Variants in FCGR3A observed in about 807,000 individuals in gnomAD.
FCGR3A encodes the protein Fc gamma receptor IIIa, also known as low affinity immunoglobulin gamma Fc region receptor III-A.
FCGR3A carries 13 observed loss-of-function variants against 24.1 expected under a neutral mutation model. That is an observed-to-expected ratio of 0.54 (90% confidence interval 0.35 to 0.86). The LOEUF is 0.86. Among genes scored for constraint, FCGR3A ranks in the 40% least tolerant of loss-of-function variants. The pLI is 0.01. For missense variants in FCGR3A, 235 were observed against 298.0 expected, an observed-to-expected ratio of 0.79 and a Z score of 1.56; for synonymous variants, 93 against 112.2, an observed-to-expected ratio of 0.83 and a Z score of 1.08.
chr1:161,543,052 T>G lies in FCGR3A; in HGVS notation c.725A>C (p.Asp242Ala). 1 of 1,613,104 alleles carries G rather than the reference T, an allele frequency of 6.2e-7. No individual in the cohort carries two copies. Among genetic ancestry groups the G allele is most frequent in the Non-Finnish European group, 8.5e-7 (1 of 1,179,522 alleles). ...NIRSSTRDWKDHKFKWRKDPQ... is the reference protein window; with the variant it reads ...NIRSSTRDWKAHKFKWRKDPQ... ...GTCCTTTCTCCATTTAAATTTATGG[T>G]CCTTCCAGTCTCTTGTTGAGCTTCG... The change falls in exon 5 of 5, where the codon GAC becomes GCC. Residue 242 changes from aspartate (D) to alanine (A), a missense_variant. Physicochemically the swap from Asp to Ala is moderately radical, Grantham distance 126. Transcript: ENST00000443193.
rs753330143 is a variant in FCGR3A at position 161,548,691 on chromosome 1, G to C, written c.62-13C>G. 1.2e-6 allele frequency: 2 copies of C among 1,613,844 alleles called. No homozygotes were observed. The highest frequency in any genetic ancestry group is 2.2e-5 in the East Asian group (1 of 44,884). ...TTTGGGAGATCTTCTGAGGAGCCAA[G>C]ATAATGTGGGGTGAGGACAGGGAGA... is the stretch of plus-strand genomic sequence containing the variant. On this transcript the variant is annotated splice_polypyrimidine_tract_variant and intron_variant, in intron 2 of 4. Transcript: ENST00000443193.
At position 161,544,967 on chromosome 1, in the gene FCGR3A, C is replaced by T; in HGVS notation, c.320-9G>A. The stretch of plus-strand genomic sequence containing the variant: ...CTGGAGCAACAGCCAGCCTGAAAGA[C>T]ACAGACACCCCAGGCCCGGGAGGCC... On this transcript the variant is annotated splice_polypyrimidine_tract_variant and intron_variant, in intron 3 of 4. Transcript: ENST00000443193. The T allele has an allele frequency of 1.3e-6, 2 of 1,595,902 alleles. No individual in the cohort carries two copies. The highest frequency in any genetic ancestry group is 1.1e-5 in the South Asian group (1 of 90,554).
intron 3 of FCGR3A, among the ~76,000 whole-genome samples, chr1:161,546,696 G>A (rs752424542): frequency 2.0e-5 from 3 of 151,930 alleles, no homozygotes. Flanking sequence ...ATGAAGTCAG[G>A]AGATCAAGAC....
chr1:161,550,073 C>T, upstream of FCGR3A: 1 of 593,324 alleles, frequency 1.7e-6, no homozygotes, highest in Non-Finnish European at 3.0e-6. Flanking sequence ...TGCCCCATCT[C>T]CTGGATTTGG....
Position 161,549,216 on chromosome 1 carries a change from G to A in FCGR3A, c.41-185C>T, listed in dbSNP as rs1214454913. Among the ~76,000 whole-genome samples the A allele has an allele frequency of 4.0e-4, 60 of 150,794 alleles. 1 individual carries two copies. Among genetic ancestry groups the A allele is most frequent in the African/African-American group, 4.4e-4 (18 of 41,048 alleles). The stretch of plus-strand genomic sequence containing the variant: ...GGTCTCCACTGTTCATGCCTCTTGC[G>A]CCACTGTCAACACAAATCCCTATTT... On this transcript the variant is annotated intron_variant, in intron 1 of 4. Coordinates refer to ENST00000443193, the MANE Select transcript of FCGR3A (RefSeq NM_000569.8).
rs394260 is a variant in FCGR3A, at chr1:161,542,122, T to C, written c.*890A>G. ...CATTAACCTCTAATTCTTACTACCC[T>C]GGCCAAGAAAGCATTTTCACCTCCT... On this transcript the variant is annotated 3_prime_UTR_variant, in exon 5 of 5. Transcript: ENST00000443193. 1.3e-5 allele frequency: 2 copies of C among 152,466 alleles called. No homozygotes were observed. The highest frequency in any genetic ancestry group is 2.1e-4 in the South Asian group (1 of 4,830). 9.4% of individuals were successfully genotyped at this position (152,466 alleles called of 1,614,324 possible).
rs762080565 is a variant in FCGR3A at position 161,543,039 on chromosome 1, T to C, written c.738A>G (p.Lys246=). 1.9e-6 allele frequency: 3 copies of C among 1,612,656 alleles called. No homozygotes were observed. Among genetic ancestry groups the C allele is most frequent in the Non-Finnish European group, 1.7e-6 (2 of 1,179,290 alleles). The change falls in exon 5 of 5, where the codon AAA becomes AAG. Residue 246 remains lysine, a synonymous_variant. Coordinates refer to ENST00000443193, the MANE Select transcript of FCGR3A (RefSeq NM_000569.8). ...ATTTGTCTTGAGGGTCCTTTCTCCA[T>C]TTAAATTTATGGTCCTTCCAGTCTC... ...STRDWKDHKF[K]WRKDPQDK
chr1:161,546,659 A>G (rs1373134820), intron 3 of FCGR3A, among the ~76,000 whole-genome samples: 1 of 151,922 alleles, frequency 6.6e-6, no homozygotes, highest in East Asian at 1.9e-4. Flanking sequence ...TAATCCTAGT[A>G]CTTTGGGAGG....
Position 161,544,948 on chromosome 1 carries a change from C to T in FCGR3A, c.330G>A (p.Leu110=), listed in dbSNP as rs746047171. ...VQLEVHIGWL[L]LQAPRWVFKE... ...TGAACACCCACCGAGGGGCCTGGAG[C>T]AACAGCCAGCCTGAAAGACACAGAC... is the stretch of plus-strand genomic sequence containing the variant. The change falls in exon 4 of 5, where the codon TTG becomes TTA. Residue 110 remains leucine, a synonymous_variant. Coordinates refer to ENST00000443193, the MANE Select transcript of FCGR3A (RefSeq NM_000569.8). 6.2e-7 allele frequency: 1 copy of T among 1,607,016 alleles called. No homozygotes were observed. Among genetic ancestry groups the T allele is most frequent in the South Asian group, 1.1e-5 (1 of 90,816 alleles).
chr1:161,544,823 T>C lies in FCGR3A; in HGVS notation c.455A>G (p.His152Arg), dbSNP rs775761500. ...LQNGKGRKYF[H>R]HNSDFYIPKA... ...TGGAATGTAGAAGTCAGAATTATGATGAAAATACTTCCTGCCTTTGCCATT... is the reference window on the plus strand; with the variant it reads ...TGGAATGTAGAAGTCAGAATTATGACGAAAATACTTCCTGCCTTTGCCATT... Residue 152 changes from histidine (H) to arginine (R), a missense_variant, in exon 4 of 5, where the codon CAT (histidine) becomes CGT (arginine). By Grantham distance (29) the His-to-Arg change is conservative. Transcript: ENST00000443193. 1 of 1,613,926 alleles carries C rather than the reference T, an allele frequency of 6.2e-7. No homozygotes were observed. The highest frequency in any genetic ancestry group is 2.2e-5 in the East Asian group (1 of 44,878).
chr1:161,544,674 G>A (rs1677299604), intron 4 of FCGR3A, 27 bp downstream of exon 4: 1 of 1,607,530 alleles, frequency 6.2e-7, no homozygotes, highest in East Asian at 2.2e-5. Context: ...GGCGTCCCTG[G>A]GCATTCCAGG....
chr1:161,543,027 G>A lies in FCGR3A; in HGVS notation c.750C>T (p.Asp250=), dbSNP rs1203281600. ...GGGATGGGGGTCATTTGTCTTGAGG[G>A]TCCTTTCTCCATTTAAATTTATGGT... ...WKDHKFKWRK[D]PQDK is the part of the protein sequence containing the mutation. Residue 250 remains aspartate (D), a synonymous_variant, in exon 5 of 5, where the codon GAC becomes GAT. Transcript: ENST00000443193. 3 of 1,611,928 alleles carry A rather than the reference G, an allele frequency of 1.9e-6. No individual in the cohort carries two copies. Among genetic ancestry groups the A allele is most frequent in the East Asian group, 4.5e-5 (2 of 44,866 alleles).
At chr1:161,547,961 T>A (rs1406021216) in intron 3 of FCGR3A, among the ~76,000 whole-genome samples, 3 of 152,286 alleles carry the variant, frequency 2.0e-5, no homozygotes, top group Non-Finnish European at 4.4e-5. Flanking sequence ...TCTCAGCTAC[T>A]CGGGAGGCTG....
chr1:161,549,566 C>T, intron 1 of FCGR3A, 131 bp downstream of exon 1: 2 of 1,473,282 alleles, frequency 1.4e-6, no homozygotes, highest in Non-Finnish European at 1.8e-6. Flanking sequence ...CCTAGGAGCT[C>T]AATCCACAGC....
In FCGR3A at chr1:161,544,786, G is replaced by T. The variant is rs1461529701; in HGVS notation, c.492C>A (p.Leu164=). ...TGCAGAAGTAGGAGCCGCTGTCTTT[G>T]AGTGTGGCTTTTGGAATGTAGAAGT... ...NSDFYIPKAT[L]KDSGSYFCRG... The change falls in exon 4 of 5, where the codon CTC becomes CTA. Residue 164 remains leucine, a synonymous_variant. Coordinates refer to ENST00000443193, the MANE Select transcript of FCGR3A (RefSeq NM_000569.8). 6 of 1,613,602 alleles carry T rather than the reference G, an allele frequency of 3.7e-6. No individual in the cohort carries two copies. The highest frequency in any genetic ancestry group is 1.6e-4 in the Middle Eastern group (1 of 6,078).
intron 1 of FCGR3A, 102 bp downstream of exon 1, chr1:161,549,595 T>C: frequency 6.5e-7 from 1 of 1,540,348 alleles, no homozygotes; most frequent in Non-Finnish European, 8.7e-7. Context: ...TGGTGAGGGG[T>C]CCCATCCCTT....
Position 161,548,556 on chromosome 1 carries a change from G to A in FCGR3A, c.184C>T (p.His62Tyr), listed in dbSNP as rs760902695. The change falls in exon 3 of 5, where the codon CAC (histidine) becomes TAC (tyrosine). Residue 62 changes from histidine (H) to tyrosine (Y), a missense_variant. Coordinates refer to ENST00000443193, the MANE Select transcript of FCGR3A (RefSeq NM_000569.8). Reference sequence around the variant, plus strand: ...TGGCTTGAGATGAGGCTCTCATTGTGAAACCACTGTGTGGAATTGTCCTCA... The same window carrying A: ...TGGCTTGAGATGAGGCTCTCATTGTAAAACCACTGTGTGGAATTGTCCTCA... ...SPEDNSTQWF[H>Y]NESLISSQAS... The A allele has an allele frequency of 1.9e-6, 3 of 1,614,040 alleles. No individual in the cohort carries two copies. The highest frequency in any genetic ancestry group is 2.2e-5 in the East Asian group (1 of 44,894).
rs1557853926 is a variant in FCGR3A at position 161,544,928 on chromosome 1, A to G, written c.350T>C (p.Val117Ala). 6.8e-6 allele frequency: 11 copies of G among 1,611,950 alleles called. No individual in the cohort carries two copies. The highest frequency in any genetic ancestry group is 8.5e-6 in the Non-Finnish European group (10 of 1,178,606). The change falls in exon 4 of 5, where the codon GTG becomes GCG. Residue 117 changes from valine (V) to alanine (A), a missense_variant. Coordinates refer to ENST00000443193, the MANE Select transcript of FCGR3A (RefSeq NM_000569.8). ...GTGAATAGGGTCTTCCTCCTTGAAC[A>G]CCCACCGAGGGGCCTGGAGCAACAG... ...GWLLLQAPRWVFKEEDPIHLR... is the reference protein window; with the variant it reads ...GWLLLQAPRWAFKEEDPIHLR...
chr1:161,546,879 T>A (rs1029196738), intron 3 of FCGR3A, among the ~76,000 whole-genome samples: 2 of 151,918 alleles, frequency 1.3e-5, no homozygotes, highest in African/African-American at 4.8e-5. Flanking sequence ...CACTCCAGCT[T>A]GGGTGACAGA....
Sources: gnomAD v4.1 joint callset for allele counts (sites outside exome capture counted in the v4.1 genomes callset) on GRCh38, gnomAD v4.1.1 for gene constraint, MANE v1.5 for transcripts, NCBI Gene and HGNC (gene_info 2026-07-23, HGNC 2026-07-21) for gene names.